ANAPC1: variants seen among roughly 807,000 people sequenced by gnomAD.
ANAPC1 encodes anaphase promoting complex subunit 1.
ANAPC1 carries 36 observed loss-of-function variants against 208.0 expected under a neutral mutation model. The ratio of observed to expected loss-of-function variants is 0.17; its 90% CI spans 0.13 to 0.23. The LOEUF is 0.23. Ranked by LOEUF, ANAPC1 falls within the 10% of genes least tolerant of loss-of-function variation. The pLI is 1.00. For missense variants in ANAPC1, 942 were observed against 2,011.6 expected (o/e 0.47, Z 10.17); for synonymous variants, 378 against 695.2 (o/e 0.54, Z 7.18).
At chr2:111,865,882 C>T (rs187023396) in intron 7 of ANAPC1, 3 of 248,172 alleles carry the variant, frequency 1.2e-5, no homozygotes, top group African/African-American at 2.3e-5. Flanking sequence ...CTGTGCCCGA[C>T]GTGTGCCCAA....
intron 25 of ANAPC1, chr2:111,821,890 A>T: frequency 4.6e-6 from 1 of 217,440 alleles, no homozygotes. Flanking sequence ...GGATAGCTTA[A>T]GACATGTTTT....
intron 18 of ANAPC1, among the ~76,000 whole-genome samples, chr2:111,836,034 T>C (rs1033185557): frequency 7.2e-5 from 11 of 152,082 alleles, no homozygotes; most frequent in Admixed American, 6.6e-4. Flanking sequence ...AAGATTTGAA[T>C]AGAAACTTCA....
intron 42 of ANAPC1, among the ~76,000 whole-genome samples, chr2:111,783,493 C>T (rs958039067): frequency 4.0e-5 from 6 of 151,624 alleles, no homozygotes; most frequent in Non-Finnish European, 7.4e-5. Flanking sequence ...GAGGCCTCCC[C>T]AGCCAGGCAG....
At chr2:111,810,735 T>C (rs1678941509) in intron 28 of ANAPC1, among the ~76,000 whole-genome samples, 1 of 147,102 alleles carries the variant, frequency 6.8e-6, no homozygotes, top group Non-Finnish European at 1.5e-5. Flanking sequence ...ATACAAAAAT[T>C]ACGCAGGTGT....
intron 26 of ANAPC1, among the ~76,000 whole-genome samples, chr2:111,820,228 G>A (rs1679450815): frequency 6.6e-6 from 1 of 152,076 alleles, no homozygotes; most frequent in Non-Finnish European, 1.5e-5. Flanking sequence ...ACTGCACTGA[G>A]CTTTACTATG....
intron 34 of ANAPC1, among the ~76,000 whole-genome samples, chr2:111,795,212 T>A (rs1254879572): frequency 6.6e-6 from 1 of 152,198 alleles, no homozygotes; most frequent in African/African-American, 2.4e-5. Flanking sequence ...TGAAACCCCA[T>A]CTCTATTAAA....
At chr2:111,816,329 G>A (rs998255752) in intron 27 of ANAPC1, among the ~76,000 whole-genome samples, 1 of 148,954 alleles carries the variant, frequency 6.7e-6, no homozygotes, top group Non-Finnish European at 1.5e-5. Context: ...ACCTATATAT[G>A]CCCCCTTCTC....
chr2:111,864,334 A>G (rs978983901), intron 8 of ANAPC1, among the ~76,000 whole-genome samples: 7 of 83,610 alleles, frequency 8.4e-5, no homozygotes, highest in African/African-American at 3.1e-4. Flanking sequence ...TCTAGAGATG[A>G]TGATGATGAT....
At chr2:111,865,487 T>A (rs1276942548) in intron 7 of ANAPC1, among the ~76,000 whole-genome samples, 1 of 152,152 alleles carries the variant, frequency 6.6e-6, no homozygotes, top group African/African-American at 2.4e-5. Context: ...CATATCCTTA[T>A]TTGACAGGAA....
At chr2:111,816,618 T>G (rs1383583809) in intron 27 of ANAPC1, among the ~76,000 whole-genome samples, 1 of 144,622 alleles carries the variant, frequency 6.9e-6, no homozygotes, top group East Asian at 2.0e-4. Context: ...ACATTGAATC[T>G]TTTTAAATAT....
chr2:111,828,258 T>TA (rs1264782509), intron 21 of ANAPC1, among the ~76,000 whole-genome samples: 3 of 152,044 alleles, frequency 2.0e-5, no homozygotes, highest in Non-Finnish European at 2.9e-5. Context: ...CTATAATTTT[T>TA]AAAAAAACAA....
At chr2:111,807,227 G>GA (rs1180904948) in intron 29 of ANAPC1, among the ~76,000 whole-genome samples, 19 of 113,160 alleles carry the variant, frequency 1.7e-4, no homozygotes, top group South Asian at 3.4e-4. Context: ...AAAAATTAAA[G>GA]AAAAAAATCA....
At chr2:111,873,753 C>T in intron 3 of ANAPC1, 89 bp from the exon 4 acceptor site, 1 of 1,410,650 alleles carries the variant, frequency 7.1e-7, no homozygotes, top group South Asian at 1.5e-5. Context: ...ATAATAGCAT[C>T]TACGTAATAA....
intron 8 of ANAPC1, among the ~76,000 whole-genome samples, chr2:111,864,157 T>C (rs994503583): frequency 6.6e-6 from 1 of 151,906 alleles, no homozygotes; most frequent in Admixed American, 6.6e-5. Context: ...CAAGATCCCA[T>C]CTCTACAAAA....
intron 46 of ANAPC1, among the ~76,000 whole-genome samples, chr2:111,773,395 G>A (rs2104464149): frequency 6.6e-6 from 1 of 152,320 alleles, no homozygotes; most frequent in African/African-American, 2.4e-5. Context: ...TGTAGCTGAT[G>A]GAACCTCAGA....
chr2:111,790,909 G>A (rs931118407), intron 38 of ANAPC1, among the ~76,000 whole-genome samples: 14 of 152,214 alleles, frequency 9.2e-5, no homozygotes, highest in Admixed American at 7.9e-4. Context: ...GCTGCCAGAG[G>A]CTGGTGGGAG....
At chr2:111,854,916 A>G (rs1196037987) in intron 13 of ANAPC1, among the ~76,000 whole-genome samples, 2 of 152,092 alleles carry the variant, frequency 1.3e-5, no homozygotes, top group Non-Finnish European at 2.9e-5. Context: ...TTCCTTCGAG[A>G]GCTTTTCCTC....
intron 44 of ANAPC1, chr2:111,779,827 A>G (rs1267427165): frequency 7.3e-5 from 17 of 231,306 alleles, no homozygotes; most frequent in Non-Finnish European, 1.1e-4. Context: ...TGGGCAACAG[A>G]AAAAACCGAC....
At chr2:111,807,419 C>T (rs1199728586) in intron 29 of ANAPC1, among the ~76,000 whole-genome samples, 2 of 151,742 alleles carry the variant, frequency 1.3e-5, no homozygotes, top group Admixed American at 1.3e-4. Context: ...AGGCGGGGCA[C>T]AGTGGTTCAT....
Sources: gnomAD v4.1 joint callset for allele counts (sites outside exome capture counted in the v4.1 genomes callset) on GRCh38, gnomAD v4.1.1 for gene constraint, MANE v1.5 for transcripts, NCBI Gene and HGNC (gene_info 2026-07-23, HGNC 2026-07-21) for gene names.